ZFHX3: variants seen among roughly 807,000 people sequenced by gnomAD.
The protein encoded by ZFHX3 is zinc finger homeobox protein 3.
A neutral mutation model predicts 279.1 loss-of-function variants in ZFHX3; 42 were observed. The observed-to-expected ratio is 0.15, with a 90% CI of 0.12 to 0.19. The LOEUF is 0.19. Among genes scored for constraint, ZFHX3 ranks in the 10% least tolerant of loss-of-function variants. The pLI is 1.00. For synonymous variants in ZFHX3, 2,293 were observed against 1,957.8 expected (o/e 1.17, Z -4.52); for missense variants, 4,981 against 4,754.0 (o/e 1.05, Z -1.40).
chr16:73,682,574 T>C (rs1233813395), intron 1 of ZFHX3, among the ~76,000 whole-genome samples: 2 of 151,658 alleles, frequency 1.3e-5, no homozygotes, highest in Admixed American at 1.3e-4. Flanking sequence ...TCACCTGAGG[T>C]CAAGAGTTTG....
intron 2 of ZFHX3, among the ~76,000 whole-genome samples, chr16:73,658,035 TAGAG>T (rs916778118): frequency 2.0e-5 from 3 of 152,254 alleles, no homozygotes; most frequent in African/African-American, 4.8e-5. Flanking sequence ...TTCATTTTAA[TAGAG>T]AGTAGATGCT....
intron 1 of ZFHX3, among the ~76,000 whole-genome samples, chr16:73,038,787 CTATTATTATTATTAT>C (rs10539654): frequency 6.8e-6 from 1 of 147,028 alleles, no homozygotes; most frequent in Admixed American, 6.8e-5. Flanking sequence ...CTTTTTATTA[CTATTATTATTATTAT>C]TATTATTATT....
At chr16:73,325,928 A>AAACACACACACACACACACACAAAC (rs368062772) in intron 3 of ZFHX3, among the ~76,000 whole-genome samples, 1 of 145,492 alleles carries the variant, frequency 6.9e-6, no homozygotes, top group African/African-American at 2.5e-5. Context: ...CACACACACA[A>AAACACACACACACACACACACAAAC]ACACACACAC....
intron 5 of ZFHX3, among the ~76,000 whole-genome samples, chr16:73,169,634 G>A (rs910485499): frequency 6.6e-6 from 1 of 151,794 alleles, no homozygotes; most frequent in African/African-American, 2.4e-5. Flanking sequence ...ACTCCAGCCT[G>A]GGCGACAGAG....
chr16:73,000,399 T>C (rs1963449670), intron 1 of ZFHX3, among the ~76,000 whole-genome samples: 1 of 152,238 alleles, frequency 6.6e-6, no homozygotes, highest in African/African-American at 2.4e-5. Context: ...CAGCTTGTTC[T>C]AGTGGGAGGA....
intron 6 of ZFHX3, among the ~76,000 whole-genome samples, chr16:73,132,384 A>G (rs934303210): frequency 2.0e-5 from 3 of 152,216 alleles, no homozygotes; most frequent in African/African-American, 7.2e-5. Context: ...ATGGTGTCAG[A>G]GATCCTGGGA....
chr16:73,337,396 T>A (rs897195581), intron 3 of ZFHX3, among the ~76,000 whole-genome samples: 3 of 152,136 alleles, frequency 2.0e-5, no homozygotes, highest in African/African-American at 7.2e-5. Context: ...CTTTGTTACT[T>A]CCACATCCCA....
intron 9 of ZFHX3, chr16:72,791,009 A>G (rs2035676550): frequency 7.6e-6 from 1 of 131,126 alleles, no homozygotes; most frequent in Non-Finnish European, 1.5e-5. Flanking sequence ...AGCTCAACAC[A>G]CTCACAACTC....
intron 1 of ZFHX3, among the ~76,000 whole-genome samples, chr16:73,830,821 G>C (rs1032964830): frequency 6.6e-6 from 1 of 152,162 alleles, no homozygotes; most frequent in African/African-American, 2.4e-5. Context: ...TATTGCCAAA[G>C]ATGCCGTTCC....
At chr16:73,027,805 T>C (rs1964565326) in intron 1 of ZFHX3, among the ~76,000 whole-genome samples, 1 of 152,168 alleles carries the variant, frequency 6.6e-6, no homozygotes, top group African/African-American at 2.4e-5. Context: ...ATGATGTCAC[T>C]AACCTTTATT....
chr16:73,603,422 A>G (rs1221448094), intron 2 of ZFHX3, among the ~76,000 whole-genome samples: 2 of 152,246 alleles, frequency 1.3e-5, no homozygotes, highest in African/African-American at 4.8e-5. Context: ...AATTAAATGT[A>G]ATTAAGACAT....
chr16:73,138,943 G>A (rs181707238), intron 6 of ZFHX3, among the ~76,000 whole-genome samples: 1 of 152,176 alleles, frequency 6.6e-6, no homozygotes. Context: ...CTCCTGCCTC[G>A]GCCTCCCAAA....
At chr16:73,287,034 G>A (rs1437004927) in intron 4 of ZFHX3, among the ~76,000 whole-genome samples, 1 of 149,834 alleles carries the variant, frequency 6.7e-6, no homozygotes, top group Non-Finnish European at 1.5e-5. Flanking sequence ...GGCTGTGTGA[G>A]TGTGTGGGTT....
intron 5 of ZFHX3, among the ~76,000 whole-genome samples, chr16:73,147,457 C>T (rs1056624675): frequency 1.3e-5 from 2 of 151,900 alleles, no homozygotes; most frequent in African/African-American, 4.8e-5. Flanking sequence ...CTTTGGGAGG[C>T]CGAGGCGGGC....
At chr16:73,797,697 C>T (rs978978033) in intron 1 of ZFHX3, among the ~76,000 whole-genome samples, 1 of 152,020 alleles carries the variant, frequency 6.6e-6, no homozygotes, top group Non-Finnish European at 1.5e-5. Flanking sequence ...AGGAAGCTTG[C>T]ACTCTATTTC....
chr16:73,435,177 T>A (rs1326780108), intron 3 of ZFHX3, among the ~76,000 whole-genome samples: 1 of 151,998 alleles, frequency 6.6e-6, no homozygotes, highest in Non-Finnish European at 1.5e-5. Context: ...GTAAAGTAGG[T>A]TTCTCAGGCT....
At chr16:73,621,919 T>A (rs1413891061) in intron 2 of ZFHX3, among the ~76,000 whole-genome samples, 1 of 152,178 alleles carries the variant, frequency 6.6e-6, no homozygotes, top group Non-Finnish European at 1.5e-5. Flanking sequence ...GGTCAAACAC[T>A]GCTTCAGTAA....
At chr16:73,488,943 T>A (rs1470988456) in intron 2 of ZFHX3, among the ~76,000 whole-genome samples, 1 of 152,228 alleles carries the variant, frequency 6.6e-6, no homozygotes, top group Non-Finnish European at 1.5e-5. Flanking sequence ...TAATAATAGT[T>A]CCTATCTCAT....
intron 3 of ZFHX3, among the ~76,000 whole-genome samples, chr16:73,447,747 A>G (rs1021327508): frequency 3.3e-5 from 5 of 151,992 alleles, no homozygotes; most frequent in Non-Finnish European, 5.9e-5. Context: ...AGAAGAATTT[A>G]TTTAATATCT....
Sources: gnomAD v4.1 joint callset for allele counts (sites outside exome capture counted in the v4.1 genomes callset) on GRCh38, gnomAD v4.1.1 for gene constraint, MANE v1.5 for transcripts, NCBI Gene and HGNC (gene_info 2026-07-23, HGNC 2026-07-21) for gene names.